Variants in TET1 observed in about 807,000 individuals in gnomAD.
The protein encoded by TET1 is tet methylcytosine dioxygenase 1, also known as methylcytosine dioxygenase TET1.
A neutral mutation model predicts 148.7 loss-of-function variants in TET1; 13 were observed. The observed-to-expected ratio is 0.09, with a 90% CI of 0.06 to 0.14. The LOEUF (loss-of-function observed/expected upper bound fraction) is 0.14. Among genes scored for constraint, TET1 ranks in the 10% least tolerant of loss-of-function variants. The probability of loss-of-function intolerance (pLI) is 1.00; values close to 1 mark genes in which losing one functional copy is unlikely to be tolerated. For missense variants in TET1, 2,182 were observed against 2,553.8 expected (o/e 0.85, Z 3.14); for synonymous variants, 907 against 937.2 (o/e 0.97, Z 0.59).
chr10:68,646,379 C>A lies in TET1; in HGVS notation c.3650C>A (p.Thr1217Asn). 6.2e-7 allele frequency: 1 copy of A among 1,614,054 alleles called. No individual in the cohort carries two copies. Among genetic ancestry groups the A allele is most frequent in the Non-Finnish European group, 8.5e-7 (1 of 1,179,998 alleles). The stretch of plus-strand genomic sequence containing the variant: ...GTATTTGGGAAAATTTCTTCCTCGA[C>A]CAAAATATGGAAACCACTGGCTCAA... ...PTVFGKISSS[T>N]KIWKPLAQTR... The change falls in exon 4 of 12, where the codon ACC becomes AAC. Residue 1217 changes from threonine (T) to asparagine (N), a missense_variant. Thr to Asn is a moderately conservative substitution (Grantham distance 65, BLOSUM62 0). This residue lies in a region of TET1 where 582 missense variants were observed against 599.5 expected (regional missense o/e 0.97). Transcript: ENST00000373644.
chr10:68,683,136 G>T (rs887806220), intron 10 of TET1, among the ~76,000 whole-genome samples, 163 bp downstream of exon 10: 16 of 152,144 alleles, frequency 1.1e-4, no homozygotes, highest in Non-Finnish European at 4.4e-5. Flanking sequence ...AGTGTGTAGT[G>T]CAGGTCTTCA....
At chr10:68,674,447 T>C (rs1336145629) in intron 8 of TET1, 5 of 380,988 alleles carry the variant, frequency 1.3e-5, no homozygotes, top group African/African-American at 4.2e-5. Context: ...TAAGAAATAT[T>C]GGGAAGACAC....
intron 2 of TET1, among the ~76,000 whole-genome samples, chr10:68,600,142 A>G (rs1231100050): frequency 3.3e-5 from 5 of 152,178 alleles, no homozygotes; most frequent in South Asian, 2.1e-4. Flanking sequence ...AATATCGCCA[A>G]TATTTAGCCT....
chr10:68,567,036 A>G (rs2053615089), intron 1 of TET1, among the ~76,000 whole-genome samples: 1 of 152,148 alleles, frequency 6.6e-6, no homozygotes, highest in Admixed American at 6.6e-5. Flanking sequence ...AACTTGTCAC[A>G]ATCTACTAAT....
intron 3 of TET1, among the ~76,000 whole-genome samples, chr10:68,631,646 A>G (rs2054573634): frequency 6.6e-6 from 1 of 151,856 alleles, no homozygotes; most frequent in Non-Finnish European, 1.5e-5. Flanking sequence ...CGATTTACAG[A>G]TCTCCAAACT....
Position 68,645,188 on chromosome 10 carries a change from G to A in TET1, c.2459G>A (p.Ser820Asn). The A allele has an allele frequency of 6.2e-7, 1 of 1,614,130 alleles. No homozygotes were observed. Among genetic ancestry groups the A allele is most frequent in the Non-Finnish European group, 8.5e-7 (1 of 1,179,986 alleles). Reference sequence around the variant, plus strand: ...AGTTGTGATCATCTCAAGGGGAGAAGTAACGTTTTAGTATTCCAGCAGCCT... The same window carrying A: ...AGTTGTGATCATCTCAAGGGGAGAAATAACGTTTTAGTATTCCAGCAGCCT... ...DMSCDHLKGR[S>N]NVLVFQQPGF... is the part of the protein sequence containing the mutation. Residue 820 changes from serine (S) to asparagine (N), a missense_variant, in exon 4 of 12, where the codon AGT becomes AAT. By Grantham distance (46) the Ser-to-Asn change is conservative. Transcript: ENST00000373644.
chr10:68,595,949 T>C lies in TET1; in HGVS notation c.1915-5032T>C, dbSNP rs1455118773. On this transcript the variant is annotated intron_variant, in intron 2 of 11. Coordinates refer to ENST00000373644, the MANE Select transcript of TET1 (RefSeq NM_030625.3). ...ATATATATATATATATATATATATA[T>C]ATATATATATATACACACACACACA... 3.3e-3 allele frequency among the ~76,000 whole-genome samples: 100 copies of C among 30,124 alleles called. 3 individuals are homozygous for C. Among genetic ancestry groups the C allele is most frequent in the East Asian group, 0.014 (12 of 870 alleles). The allele number at this position is 30,124 out of a possible 152,430, so 19.8% of individuals were successfully genotyped here.
At chr10:68,582,730 CATT>C (rs1317088298) in intron 2 of TET1, among the ~76,000 whole-genome samples, 4 of 152,090 alleles carry the variant, frequency 2.6e-5, no homozygotes, top group Admixed American at 6.6e-5. Flanking sequence ...AGCCGTATCT[CATT>C]ATGGCATATG....
At chr10:68,596,170 C>T (rs1204938730) in intron 2 of TET1, among the ~76,000 whole-genome samples, 3 of 150,352 alleles carry the variant, frequency 2.0e-5, no homozygotes, top group South Asian at 2.1e-4. Flanking sequence ...TCCTGAGTAG[C>T]TTGAGATTAC....
intron 6 of TET1, among the ~76,000 whole-genome samples, chr10:68,654,571 C>T (rs1247338221): frequency 1.3e-5 from 2 of 152,092 alleles, no homozygotes; most frequent in African/African-American, 2.4e-5. Context: ...GGGCCTAGAT[C>T]GTGCCTCTGC....
chr10:68,620,583 C>T (rs1298684769), intron 3 of TET1, among the ~76,000 whole-genome samples: 1 of 152,054 alleles, frequency 6.6e-6, no homozygotes, highest in Non-Finnish European at 1.5e-5. Context: ...ACACCACCCC[C>T]ACCCCCAAAC....
At chr10:68,665,194 AC>A (rs2055180240) in intron 6 of TET1, among the ~76,000 whole-genome samples, 1 of 152,140 alleles carries the variant, frequency 6.6e-6, no homozygotes, top group Non-Finnish European at 1.5e-5. Context: ...GTTTAGATAC[AC>A]ATTATAATTC....
In TET1 at chr10:68,691,268, T is replaced by G. The variant is rs761698479; in HGVS notation, c.5865T>G (p.Ser1955=). The G allele has an allele frequency of 1.4e-5, 22 of 1,613,802 alleles. No homozygotes were observed. The highest frequency in any genetic ancestry group is 1.9e-5 in the Non-Finnish European group (22 of 1,180,016). Residue 1955 remains serine (S), a synonymous_variant, in exon 12 of 12, where the codon TCT becomes TCG. Transcript: ENST00000373644. This position sits in a 1 kb window ranked among gnomAD's most constrained non-coding sequence, Gnocchi z 4.4. ...CCTCTCCTCAAGACCTTGCCTCTTC[T>G]CCAATGGAAGAAGATGAGCAGCATT... ...FLTSPQDLAS[S]PMEEDEQHSE...
At chr10:68,683,999 C>G (rs2055475230) in intron 10 of TET1, among the ~76,000 whole-genome samples, 1 of 152,132 alleles carries the variant, frequency 6.6e-6, no homozygotes, top group Non-Finnish European at 1.5e-5. Context: ...GTCTTCCTGT[C>G]ATCTAGTAAA....
chr10:68,598,397 T>G (rs1035561745), intron 2 of TET1, among the ~76,000 whole-genome samples: 1 of 152,222 alleles, frequency 6.6e-6, no homozygotes, highest in Admixed American at 6.5e-5. Context: ...AAAAAAATAG[T>G]TAAAATGATA....
chr10:68,561,426 G>T (rs1348181356), intron 1 of TET1, among the ~76,000 whole-genome samples: 1 of 152,166 alleles, frequency 6.6e-6, no homozygotes, highest in Non-Finnish European at 1.5e-5. Flanking sequence ...AGGGAAGAGG[G>T]AGTAGAGTGT....
chr10:68,603,648 C>T (rs1229132742), intron 3 of TET1, among the ~76,000 whole-genome samples: 1 of 151,992 alleles, frequency 6.6e-6, no homozygotes, highest in African/African-American at 2.4e-5. Context: ...GTGTGCACTT[C>T]TAGTCCTAGC....
chr10:68,609,446 C>G (rs1211612402), intron 3 of TET1, among the ~76,000 whole-genome samples: 4 of 152,198 alleles, frequency 2.6e-5, no homozygotes, highest in African/African-American at 9.6e-5. Context: ...CAGGCATGAG[C>G]CACTGCCCCC....
chr10:68,608,618 T>G (rs1006395429), intron 3 of TET1, among the ~76,000 whole-genome samples: 1 of 152,142 alleles, frequency 6.6e-6, no homozygotes, highest in South Asian at 2.1e-4. Context: ...CACTGCAACC[T>G]CCACCTCCGG....
Sources: allele counts gnomAD v4.1 joint callset (sites outside exome capture counted in the v4.1 genomes callset), GRCh38; gene constraint gnomAD v4.1.1; regional missense constraint gnomAD v4.1.1; non-coding constraint Gnocchi (gnomAD v3.1); transcripts MANE v1.5; gene names NCBI Gene and HGNC (gene_info 2026-07-23, HGNC 2026-07-21).